Variants in DPP6 observed in about 807,000 individuals in gnomAD.
DPP6 encodes the protein dipeptidyl peptidase like 6.
In DPP6, 69 loss-of-function variants were observed where a neutral mutation model predicts 122.6. That is an observed-to-expected ratio of 0.56 (90% CI 0.46 to 0.69). The LOEUF (loss-of-function observed/expected upper bound fraction) is 0.69. Ranked by LOEUF, DPP6 falls within the 30% of genes least tolerant of loss-of-function variation. The probability of loss-of-function intolerance (pLI) is 0.00; values close to 1 mark genes in which losing one functional copy is unlikely to be tolerated. For synonymous variants in DPP6, 418 were observed against 433.1 expected, an observed-to-expected ratio of 0.97 and a Z score of 0.43; for missense variants, 928 against 1,116.9, an observed-to-expected ratio of 0.83 and a Z score of 2.41.
chr7:153,972,241 G>A (rs1796057648), intron 1 of DPP6, among the ~76,000 whole-genome samples: 2 of 150,352 alleles, frequency 1.3e-5, no homozygotes, highest in Non-Finnish European at 3.0e-5. Context: ...GCCCTAGGTA[G>A]CGCATGAGGC....
intron 1 of DPP6, among the ~76,000 whole-genome samples, chr7:153,918,454 ACACACACACACACTCTCT>A (rs1193787139): frequency 1.5e-5 from 2 of 136,636 alleles, no homozygotes; most frequent in Non-Finnish European, 3.1e-5. Flanking sequence ...ACACACACAC[ACACACACACACACTCTCT>A]CTCTCTCTCT....
intron 1 of DPP6, among the ~76,000 whole-genome samples, chr7:154,159,127 C>T (rs527558751): frequency 6.6e-6 from 1 of 152,266 alleles, no homozygotes; most frequent in Admixed American, 6.5e-5. Flanking sequence ...GACTTTCAAC[C>T]TTCCTGCATA....
chr7:153,872,879 A>G, the DPP6 span, among the ~76,000 whole-genome samples: 1 of 152,232 alleles, frequency 6.6e-6, no homozygotes, highest in Non-Finnish European at 1.5e-5. Flanking sequence ...GTATAGAATA[A>G]CCAACTACAA....
chr7:154,196,228 G>A (rs895017382), intron 1 of DPP6, among the ~76,000 whole-genome samples: 2 of 152,192 alleles, frequency 1.3e-5, no homozygotes, highest in Admixed American at 1.3e-4. Flanking sequence ...GGTGGCTCAT[G>A]CCTGTAATCC....
At chr7:154,853,178 A>T (rs1802543948) in intron 16 of DPP6, among the ~76,000 whole-genome samples, 1 of 152,256 alleles carries the variant, frequency 6.6e-6, no homozygotes, top group African/African-American at 2.4e-5. Context: ...CAGAGAAAAC[A>T]GATCAGGGGC....
At chr7:154,287,565 A>G (rs1804936430) in intron 1 of DPP6, among the ~76,000 whole-genome samples, 1 of 152,208 alleles carries the variant, frequency 6.6e-6, no homozygotes, top group Non-Finnish European at 1.5e-5. Context: ...AATGAGAAGA[A>G]AAACAGATCA....
chr7:154,628,540 A>C (rs1442335543), intron 5 of DPP6, among the ~76,000 whole-genome samples: 1 of 152,128 alleles, frequency 6.6e-6, no homozygotes, highest in Non-Finnish European at 1.5e-5. Context: ...TGTTACTTCA[A>C]ATGTTAAGGG....
intron 1 of DPP6, among the ~76,000 whole-genome samples, chr7:153,950,647 T>C (rs943864793): frequency 9.2e-5 from 14 of 152,204 alleles, no homozygotes; most frequent in Non-Finnish European, 1.6e-4. Flanking sequence ...TCAGATGGAC[T>C]GTAGCATTGC....
chr7:153,907,023 G>C (rs773324746), intron 1 of DPP6, among the ~76,000 whole-genome samples: 14 of 152,176 alleles, frequency 9.2e-5, no homozygotes, highest in Non-Finnish European at 1.8e-4. Context: ...ATACCCAGTA[G>C]TGTTATTGGT....
At chr7:154,338,981 G>C (rs750108988) in intron 1 of DPP6, among the ~76,000 whole-genome samples, 1 of 152,166 alleles carries the variant, frequency 6.6e-6, no homozygotes, top group African/African-American at 2.4e-5. Flanking sequence ...GTCTCCCCGA[G>C]GTTATTCAGC....
chr7:154,265,183 G>A (rs1410235562), intron 1 of DPP6, among the ~76,000 whole-genome samples: 1 of 152,038 alleles, frequency 6.6e-6, no homozygotes, highest in African/African-American at 2.4e-5. Context: ...TGATGATAAT[G>A]ATAGTGATAG....
At chr7:154,410,799 C>T (rs1462937146) in intron 1 of DPP6, among the ~76,000 whole-genome samples, 4 of 152,162 alleles carry the variant, frequency 2.6e-5, no homozygotes, top group South Asian at 2.1e-4. Flanking sequence ...TGGTGTTTTC[C>T]CTTAGAGCTT....
chr7:153,871,748 C>T, the DPP6 span, among the ~76,000 whole-genome samples: 3 of 152,206 alleles, frequency 2.0e-5, no homozygotes, highest in Admixed American at 6.5e-5. Context: ...GTCGCTCACG[C>T]TGGGAGCTAT....
At chr7:154,811,589 T>C (rs1799065473) in intron 16 of DPP6, among the ~76,000 whole-genome samples, 2 of 152,202 alleles carry the variant, frequency 1.3e-5, no homozygotes, top group South Asian at 4.1e-4. Flanking sequence ...CAAGAAATGT[T>C]GTAAGATTAT....
intron 8 of DPP6, among the ~76,000 whole-genome samples, chr7:154,736,053 C>T (rs1842556301): frequency 6.6e-6 from 1 of 152,250 alleles, no homozygotes; most frequent in Non-Finnish European, 1.5e-5. Context: ...AACACCAGCA[C>T]ATCCTAACCA....
At chr7:154,676,705 G>A (rs1838934668) in intron 7 of DPP6, among the ~76,000 whole-genome samples, 1 of 152,258 alleles carries the variant, frequency 6.6e-6, no homozygotes, top group Admixed American at 6.5e-5. Context: ...GTGCAGGAGG[G>A]TGTTTATTTT....
intron 7 of DPP6, among the ~76,000 whole-genome samples, chr7:154,721,679 A>G (rs1841817744): frequency 6.6e-6 from 1 of 152,240 alleles, no homozygotes; most frequent in Admixed American, 6.5e-5. Flanking sequence ...AATTAAAAGC[A>G]TTAATCCTTA....
intron 1 of DPP6, among the ~76,000 whole-genome samples, chr7:154,421,027 A>AT (rs1817427358): frequency 6.6e-6 from 1 of 152,200 alleles, no homozygotes; most frequent in Non-Finnish European, 1.5e-5. Flanking sequence ...TTAAAAAAAA[A>AT]TGTTCGTGAG....
chr7:154,546,949 G>A (rs1010890620), intron 4 of DPP6, among the ~76,000 whole-genome samples: 6 of 152,162 alleles, frequency 3.9e-5, no homozygotes, highest in Non-Finnish European at 8.8e-5. Context: ...TGCTTTATGC[G>A]CTAGTCCTCT....
Sources: allele counts gnomAD v4.1 joint callset (sites outside exome capture counted in the v4.1 genomes callset), GRCh38; gene constraint gnomAD v4.1.1; transcripts MANE v1.5; gene names NCBI Gene and HGNC (gene_info 2026-07-23, HGNC 2026-07-21).